Variants in PTTG1IP2 observed in about 807,000 individuals in gnomAD.
PTTG1IP2 encodes the protein PTTG1IP family member 2.
rs547346480 is a variant in PTTG1IP2, at chr7:90,480,726, G to A, written c.192+1452G>A. Among the ~76,000 whole-genome samples, 17 of 152,180 alleles carry A rather than the reference G, an allele frequency of 1.1e-4. 1 individual carries two copies. In the South Asian group the frequency reaches 3.5e-3, roughly 32 times the overall value. ...TTGAGTCATTTTTGTTTGTTTGTTT[G>A]AATCACATTCATACATTGCAATTGG... is the stretch of plus-strand genomic sequence containing the variant. On this transcript the variant is annotated intron_variant, in intron 2 of 6. Transcript: ENST00000509356.
At chr7:90,504,358 A>T (rs1798100635) in intron 6 of PTTG1IP2, among the ~76,000 whole-genome samples, 1 of 152,112 alleles carries the variant, frequency 6.6e-6, no homozygotes, top group South Asian at 2.1e-4. Context: ...AGAGTGGGAT[A>T]GAGTAGAAGG....
rs1797995081 is a variant in PTTG1IP2, at chr7:90,496,659, G to T, written c.*50+2229G>T. Among the ~76,000 whole-genome samples, 6 of 151,818 alleles carry T rather than the reference G, an allele frequency of 4.0e-5. No individual in the cohort carries two copies. In the South Asian group the frequency reaches 1.3e-3, roughly 32 times the overall value. ...CTATAATAGTATAACTTTCAGTTTT[G>T]TTGATTCTTTCTATTGTTTTTCTAG... On this transcript the variant is annotated intron_variant, in intron 6 of 6. Transcript: ENST00000509356.
intron 2 of PTTG1IP2, among the ~76,000 whole-genome samples, chr7:90,480,071 A>G (rs1237865867): frequency 6.6e-6 from 1 of 152,178 alleles, no homozygotes. Flanking sequence ...TTCCACAGCC[A>G]GCGATGACCC....
chr7:90,492,496 G>T (rs1324434717), intron 5 of PTTG1IP2, among the ~76,000 whole-genome samples, 187 bp downstream of exon 5: 1 of 152,168 alleles, frequency 6.6e-6, no homozygotes, highest in Non-Finnish European at 1.5e-5. Context: ...AGGTTATGGT[G>T]AACACATTGC....
At chr7:90,507,118 GAA>G (rs905193284) in intron 6 of PTTG1IP2, among the ~76,000 whole-genome samples, 3 of 152,124 alleles carry the variant, frequency 2.0e-5, no homozygotes, top group African/African-American at 4.8e-5. Flanking sequence ...TGTTTTTTGC[GAA>G]GTTAGTTATA....
At chr7:90,509,738 G>C (rs556105149) in intron 6 of PTTG1IP2, among the ~76,000 whole-genome samples, 1 of 152,130 alleles carries the variant, frequency 6.6e-6, no homozygotes, top group African/African-American at 2.4e-5. Flanking sequence ...GTGATTTCCC[G>C]CAAGAAGCTG....
chr7:90,502,731 C>T (rs1032139457), intron 6 of PTTG1IP2, among the ~76,000 whole-genome samples: 3 of 152,156 alleles, frequency 2.0e-5, no homozygotes, highest in Admixed American at 6.5e-5. Flanking sequence ...CAACAGTGGG[C>T]TTAATATATT....
chr7:90,488,941 C>A lies in PTTG1IP2; in HGVS notation c.357C>A (p.Cys119Ter), dbSNP rs377562632. 1.3e-5 allele frequency: 2 copies of A among 151,802 alleles called. No homozygotes were observed. Among genetic ancestry groups the A allele is most frequent in the Non-Finnish European group, 2.9e-5 (2 of 67,818 alleles). The allele number at this position is 151,802 out of a possible 1,614,324, so 9.4% of individuals were successfully genotyped here. ...VLITGFVWYC[C>*]AYHFYLQDLN... is the part of the protein sequence containing the mutation. ...TTACAGGATTCGTTTGGTACTGCTG[C>A]GCCTATCACTTTTACCTGCAGGAGT... is the stretch of plus-strand genomic sequence containing the variant. Residue 119 changes from cysteine to a stop codon, truncating the protein, a stop_gained, in exon 4 of 7, where the codon TGC becomes TGA. Transcript: ENST00000509356. LOFTEE classifies it high-confidence loss of function.
At chr7:90,490,450 A>G (rs1253899791) in intron 4 of PTTG1IP2, among the ~76,000 whole-genome samples, 1 of 149,318 alleles carries the variant, frequency 6.7e-6, no homozygotes, top group Non-Finnish European at 1.5e-5. Context: ...AAAAAAAAAA[A>G]AGATAAGGGT....
chr7:90,470,974 AAAAAAAG>A (rs1797678515), intron 1 of PTTG1IP2, among the ~76,000 whole-genome samples: 1 of 151,786 alleles, frequency 6.6e-6, no homozygotes, highest in Non-Finnish European at 1.5e-5. Flanking sequence ...AAAAAAAAAA[AAAAAAAG>A]AAAAAAGAAA....
intron 6 of PTTG1IP2, among the ~76,000 whole-genome samples, chr7:90,506,852 G>A (rs1798129767): frequency 1.3e-5 from 2 of 152,064 alleles, no homozygotes; most frequent in South Asian, 4.2e-4. Flanking sequence ...TGCTTTGTGT[G>A]CATTGCATTA....
chr7:90,481,816 A>G (rs1257476135), intron 2 of PTTG1IP2, among the ~76,000 whole-genome samples: 1 of 151,992 alleles, frequency 6.6e-6, no homozygotes, highest in African/African-American at 2.4e-5. Context: ...TCATCTTTGT[A>G]TCTCTAACAC....
chr7:90,474,847 C>T (rs1776443490), intron 1 of PTTG1IP2, among the ~76,000 whole-genome samples: 1 of 152,124 alleles, frequency 6.6e-6, no homozygotes, highest in Admixed American at 6.5e-5. Flanking sequence ...TTTATTAAAA[C>T]ACATTTAAGA....
intron 6 of PTTG1IP2, among the ~76,000 whole-genome samples, chr7:90,504,395 T>G (rs1211047541): frequency 6.6e-6 from 1 of 152,136 alleles, no homozygotes; most frequent in African/African-American, 2.4e-5. Context: ...AATTTTCACC[T>G]AGAACAGTAA....
intron 1 of PTTG1IP2, among the ~76,000 whole-genome samples, chr7:90,474,770 C>T (rs924196196): frequency 1.3e-5 from 2 of 152,126 alleles, no homozygotes; most frequent in Non-Finnish European, 2.9e-5. Flanking sequence ...TATACATACA[C>T]CTAAATCTTA....
intron 5 of PTTG1IP2, 42 bp from the exon 6 acceptor site, chr7:90,494,325 A>G (rs1057492481): frequency 1.3e-5 from 2 of 152,184 alleles, no homozygotes; most frequent in African/African-American, 4.8e-5. Context: ...GACTTTTCCT[A>G]GATAGAATTT....
chr7:90,496,330 TTGTC>T (rs1181967931), intron 6 of PTTG1IP2, among the ~76,000 whole-genome samples: 1 of 152,230 alleles, frequency 6.6e-6, no homozygotes, highest in Admixed American at 6.5e-5. Flanking sequence ...TACTCATTAT[TTGTC>T]TGTTCAGATT....
intron 6 of PTTG1IP2, among the ~76,000 whole-genome samples, chr7:90,504,201 C>G (rs1027810847): frequency 1.8e-4 from 27 of 151,984 alleles, no homozygotes; most frequent in African/African-American, 6.5e-4. Context: ...CCTGTAATCT[C>G]AGCTACTCAG....
intron 6 of PTTG1IP2, among the ~76,000 whole-genome samples, chr7:90,507,831 AT>A (rs1335804238): frequency 6.6e-6 from 1 of 152,184 alleles, no homozygotes; most frequent in Non-Finnish European, 1.5e-5. Flanking sequence ...ATTATTACCT[AT>A]TATGAGCCTA....
Sources: gnomAD v4.1 joint callset for allele counts (sites outside exome capture counted in the v4.1 genomes callset) on GRCh38, gnomAD v4.1.1 for gene constraint, MANE v1.5 for transcripts, NCBI Gene and HGNC (gene_info 2026-07-23, HGNC 2026-07-21) for gene names.